Variants in NPAS3 observed in about 807,000 individuals in gnomAD.
NPAS3 encodes neuronal PAS domain protein 3, also known as neuronal PAS domain-containing protein 3.
NPAS3 carries 14 observed loss-of-function variants against 73.1 expected under a neutral mutation model. The ratio of observed to expected loss-of-function variants is 0.19; its 90% CI spans 0.13 to 0.30. The LOEUF is 0.30. NPAS3 is among the 10% of genes least tolerant of loss of function. The pLI is 1.00. For missense variants in NPAS3, 1,096 were observed against 1,250.0 expected (o/e 0.88, Z 1.86); for synonymous variants, 620 against 541.5 (o/e 1.14, Z -2.01).
chr14:33,154,287 G>A (rs1402003124), intron 2 of NPAS3, among the ~76,000 whole-genome samples: 1 of 152,194 alleles, frequency 6.6e-6, no homozygotes, highest in Non-Finnish European at 1.5e-5. Flanking sequence ...CCCTTCATGA[G>A]TTTGTTGTTG....
At position 33,160,280 on chromosome 14, in the gene NPAS3, A is replaced by G. The variant is rs527596802; in HGVS notation, c.141-54902A>G. 3.9e-5 allele frequency among the ~76,000 whole-genome samples: 6 copies of G among 152,138 alleles called. No homozygotes were observed. The East Asian group carries it at 5.8e-4, about 15-fold the overall frequency. ...CTGTTTTAATTTCATTGTCTTCAAC[A>G]TGGTAATATAAAATCTATCTTTTTG... On this transcript the variant is annotated intron_variant, in intron 2 of 11. Transcript: ENST00000356141.
intron 4 of NPAS3, among the ~76,000 whole-genome samples, chr14:33,510,513 C>G (rs1885261): frequency 0.22 from 32,911 of 151,990 alleles, 3,824 homozygotes; most frequent in African/African-American, 0.29. Flanking sequence ...AAAGGACATA[C>G]AATTCCTCAC....
chr14:33,000,247 T>C (rs2038756328), intron 1 of NPAS3, among the ~76,000 whole-genome samples: 1 of 152,204 alleles, frequency 6.6e-6, no homozygotes, highest in South Asian at 2.1e-4. Context: ...TTGAACTTGC[T>C]TGCTACCAAG....
chr14:33,718,167 A>C (rs1026247239), intron 6 of NPAS3, among the ~76,000 whole-genome samples: 1 of 151,880 alleles, frequency 6.6e-6, no homozygotes, highest in African/African-American at 2.4e-5. Flanking sequence ...TGTTCTTTTC[A>C]TTCTTCTTCT....
chr14:33,093,175 A>C (rs182152259), intron 2 of NPAS3, among the ~76,000 whole-genome samples: 50 of 152,382 alleles, frequency 3.3e-4, no homozygotes. Flanking sequence ...CATTAGCGTG[A>C]ACAGGCAACC....
intron 3 of NPAS3, among the ~76,000 whole-genome samples, chr14:33,338,486 A>C (rs1398409696): frequency 6.6e-6 from 1 of 152,138 alleles, no homozygotes; most frequent in Non-Finnish European, 1.5e-5. Flanking sequence ...TTGTCTCTCA[A>C]ATCTTTTCCT....
intron 3 of NPAS3, among the ~76,000 whole-genome samples, chr14:33,361,191 A>G (rs76212812): frequency 0.028 from 4,330 of 152,274 alleles, 197 homozygotes; most frequent in African/African-American, 0.098. Context: ...GGCGAAGTGA[A>G]TCTTTAAAAT....
chr14:33,261,398 A>G (rs955549639), intron 3 of NPAS3, among the ~76,000 whole-genome samples: 23 of 152,116 alleles, frequency 1.5e-4, no homozygotes, highest in Non-Finnish European at 3.1e-4. Flanking sequence ...TTGGAGACAA[A>G]GGTTAAATTA....
chr14:33,065,997 G>T (rs1449686865), intron 2 of NPAS3, among the ~76,000 whole-genome samples: 3 of 152,086 alleles, frequency 2.0e-5, no homozygotes, highest in Non-Finnish European at 4.4e-5. Flanking sequence ...TGGGCACAAA[G>T]CATCCTGTCC....
intron 3 of NPAS3, among the ~76,000 whole-genome samples, chr14:33,257,576 T>A (rs2048824759): frequency 6.6e-6 from 1 of 152,248 alleles, no homozygotes; most frequent in Non-Finnish European, 1.5e-5. Flanking sequence ...GATTGCTTTT[T>A]GTTCAAATGA....
At position 33,609,901 on chromosome 14, in the gene NPAS3, C is replaced by T. The variant is rs552877721; in HGVS notation, c.558+49691C>T. Among the ~76,000 whole-genome samples, 4 of 152,164 alleles carry T rather than the reference C, an allele frequency of 2.6e-5. No individual in the cohort carries two copies. In the South Asian group the frequency reaches 6.2e-4, roughly 24 times the overall value. On this transcript the variant is annotated intron_variant, in intron 5 of 11. Transcript: ENST00000356141. Reference sequence around the variant, plus strand: ...AATGCCAGCTGTGGGGGACATTGTTCGAAGCTGGGGTTTTAAATTGTTCAT... The same window carrying T: ...AATGCCAGCTGTGGGGGACATTGTTTGAAGCTGGGGTTTTAAATTGTTCAT...
At chr14:33,192,960 C>G (rs760406631) in intron 2 of NPAS3, among the ~76,000 whole-genome samples, 35 of 152,288 alleles carry the variant, frequency 2.3e-4, no homozygotes, top group African/African-American at 8.4e-4. Flanking sequence ...AAATGACTAT[C>G]CCTTATACCT....
At chr14:33,078,791 A>T (rs901160360) in intron 2 of NPAS3, among the ~76,000 whole-genome samples, 1 of 152,204 alleles carries the variant, frequency 6.6e-6, no homozygotes, top group Non-Finnish European at 1.5e-5. Flanking sequence ...TCACATAGAA[A>T]TAGGGGTAGA....
rs1240914897 is a variant in NPAS3 at position 33,800,648 on chromosome 14, T to G, written c.2341T>G (p.Ser781Ala). The G allele has an allele frequency of 1.3e-6, 2 of 1,496,518 alleles. No homozygotes were observed. The highest frequency in any genetic ancestry group is 2.9e-5 in the African/African-American group (2 of 69,586). The allele number at this position is 1,496,518 out of a possible 1,614,324, so 92.7% of individuals were successfully genotyped here. Residue 781 changes from serine to alanine, a missense_variant, in exon 12 of 12, where the codon TCC becomes GCC. By Grantham distance (99) the Ser-to-Ala change is moderately conservative. Coordinates refer to ENST00000356141, the Ensembl canonical transcript of NPAS3. This position sits in a 1 kb window ranked among gnomAD's most constrained non-coding sequence, Gnocchi z 6.5. ...CGCGGGGGGCGGCGGCCCCAGCGCG[T>G]CCAACTCCTTGCTGTACACTGGGGA...
At chr14:33,785,796 C>T (rs2063154100) in intron 9 of NPAS3, among the ~76,000 whole-genome samples, 1 of 152,172 alleles carries the variant, frequency 6.6e-6, no homozygotes, top group South Asian at 2.1e-4. Context: ...GACTAGAATG[C>T]ACCTGGTTAC....
chr14:33,726,966 G>C (rs2061284408), intron 6 of NPAS3, among the ~76,000 whole-genome samples: 5 of 152,142 alleles, frequency 3.3e-5, no homozygotes, highest in Admixed American at 3.3e-4. Context: ...TTTTCACCCT[G>C]TGCTGTAGAG....
At chr14:33,565,190 A>G (rs1431263613) in intron 5 of NPAS3, among the ~76,000 whole-genome samples, 1 of 152,208 alleles carries the variant, frequency 6.6e-6, no homozygotes, top group African/African-American at 2.4e-5. Context: ...TATTTTTTTT[A>G]AGCCATGCAG....
intron 2 of NPAS3, among the ~76,000 whole-genome samples, chr14:33,158,537 T>TA (rs1257124551): frequency 3.3e-5 from 5 of 152,024 alleles, no homozygotes; most frequent in Admixed American, 1.3e-4. Flanking sequence ...GCAGAAGTAT[T>TA]AAAAAACAAA....
chr14:33,519,025 C>A (rs1161556394), intron 4 of NPAS3, among the ~76,000 whole-genome samples: 1 of 152,082 alleles, frequency 6.6e-6, no homozygotes, highest in Non-Finnish European at 1.5e-5. Context: ...CTTTCTGACT[C>A]CCTACCTATA....
Sources: gnomAD v4.1 joint callset for allele counts (sites outside exome capture counted in the v4.1 genomes callset) on GRCh38, gnomAD v4.1.1 for gene constraint, Gnocchi (gnomAD v3.1) non-coding constraint, MANE v1.5 for transcripts, NCBI Gene and HGNC (gene_info 2026-07-23, HGNC 2026-07-21) for gene names.